The following CSMD1 variants were observed in gnomAD, a reference collection of about 807,000 sequenced individuals.
CSMD1 encodes the protein CUB and Sushi multiple domains 1.
CSMD1 carries 213 observed loss-of-function variants against 417.5 expected under a neutral mutation model. That is an observed-to-expected ratio of 0.51 (90% CI 0.46 to 0.57). The LOEUF is 0.57. CSMD1 is among the 20% of genes least tolerant of loss of function. CSMD1 has a pLI of 0.00. For synonymous variants in CSMD1, 2,862 were observed against 1,736.8 expected (o/e 1.65, Z -16.11); for missense variants, 6,923 against 4,529.7 (o/e 1.53, Z -15.17).
intron 2 of CSMD1, among the ~76,000 whole-genome samples, chr8:4,613,858 G>GT (rs1801322434): frequency 1.5e-5 from 1 of 67,630 alleles, no homozygotes; most frequent in African/African-American, 9.1e-5. Flanking sequence ...GCTGTCTAAT[G>GT]CCAAAAAAAA....
chr8:3,832,256 C>T (rs991929378), intron 5 of CSMD1, among the ~76,000 whole-genome samples: 4 of 152,202 alleles, frequency 2.6e-5, no homozygotes, highest in Non-Finnish European at 4.4e-5. Flanking sequence ...GCTTCCCTGC[C>T]TGATTTCCCT....
At chr8:3,320,114 C>G (rs998957974) in intron 23 of CSMD1, among the ~76,000 whole-genome samples, 3 of 152,176 alleles carry the variant, frequency 2.0e-5, no homozygotes, top group Admixed American at 1.3e-4. Flanking sequence ...CTGTGCCACA[C>G]AATTCATCAG....
chr8:4,239,983 C>G (rs1379791354), intron 3 of CSMD1, among the ~76,000 whole-genome samples: 1 of 152,192 alleles, frequency 6.6e-6, no homozygotes, highest in East Asian at 1.9e-4. Flanking sequence ...CCAGTGATTT[C>G]TTAAAAATAC....
chr8:4,721,694 C>T (rs1226857383), intron 1 of CSMD1, among the ~76,000 whole-genome samples: 3 of 152,072 alleles, frequency 2.0e-5, no homozygotes, highest in African/African-American at 7.2e-5. Context: ...ACCCAGCAAT[C>T]CCCCTGTTGT....
chr8:4,261,155 T>C (rs1194237494), intron 3 of CSMD1, among the ~76,000 whole-genome samples: 2 of 152,192 alleles, frequency 1.3e-5, no homozygotes, highest in East Asian at 1.9e-4. Flanking sequence ...TCTACTGGCT[T>C]GAAAGTTGTC....
intron 15 of CSMD1, among the ~76,000 whole-genome samples, chr8:3,401,128 G>A (rs9969646): frequency 0.48 from 72,778 of 151,354 alleles, 18,334 homozygotes; most frequent in Middle Eastern, 0.6. Flanking sequence ...AATTAAATAT[G>A]TTAAATATAT....
At chr8:3,384,540 C>G (rs1810848190) in intron 18 of CSMD1, among the ~76,000 whole-genome samples, 1 of 150,754 alleles carries the variant, frequency 6.6e-6, no homozygotes. Flanking sequence ...CAACATGGGA[C>G]AGTCCTTCCT....
chr8:3,357,970 G>A (rs990701440), intron 21 of CSMD1, among the ~76,000 whole-genome samples: 1 of 152,114 alleles, frequency 6.6e-6, no homozygotes, highest in Non-Finnish European at 1.5e-5. Flanking sequence ...GTGTATCTCT[G>A]GTTCGTTAAA....
rs1554508036 is a variant in CSMD1, at chr8:3,083,659, T to TTTA, written c.7474+3437_7474+3438insTAA. 1.6e-4 allele frequency among the ~76,000 whole-genome samples: 11 copies of TTTA among 70,126 alleles called. No individual in the cohort carries two copies. In the Admixed American group the frequency reaches 1.7e-3, roughly 11 times the overall value. The allele number at this position is 70,126 out of a possible 152,430, so 46.0% of individuals were successfully genotyped here. A position where few individuals can be genotyped will look rare whatever the true frequency, so the allele number is the denominator to read the frequency against. ...ATATATATATATATATTTTTTTTTT[T>TTTA]TTTTTTTTTTTTTTTTTTTTTGGTC... On this transcript the variant is annotated intron_variant, in intron 49 of 69. Coordinates refer to ENST00000635120, the MANE Select transcript of CSMD1 (RefSeq NM_033225.6).
intron 21 of CSMD1, among the ~76,000 whole-genome samples, chr8:3,356,540 T>C (rs1227905458): frequency 6.6e-6 from 1 of 152,122 alleles, no homozygotes; most frequent in Non-Finnish European, 1.5e-5. Context: ...CCGGGCGTGG[T>C]GGCATGTGCC....
At chr8:3,275,233 C>G (rs925920698) in intron 26 of CSMD1, among the ~76,000 whole-genome samples, 3 of 152,160 alleles carry the variant, frequency 2.0e-5, no homozygotes, top group Non-Finnish European at 2.9e-5. Context: ...AAATTCTTTT[C>G]TTTAAGAATG....
chr8:4,693,409 T>A (rs1447732177), intron 1 of CSMD1, among the ~76,000 whole-genome samples: 1 of 152,234 alleles, frequency 6.6e-6, no homozygotes, highest in Middle Eastern at 3.2e-3. Context: ...TGGAGGTGTG[T>A]TCTGGCTGTG....
intron 3 of CSMD1, among the ~76,000 whole-genome samples, chr8:4,110,707 GTTTT>G (rs1191330981): frequency 6.6e-6 from 1 of 151,616 alleles, no homozygotes; most frequent in Non-Finnish European, 1.5e-5. Flanking sequence ...TAATTTCAGG[GTTTT>G]TTTTCCCCTT....
At chr8:4,858,032 C>T (rs1423752751) in intron 1 of CSMD1, among the ~76,000 whole-genome samples, 9 of 152,086 alleles carry the variant, frequency 5.9e-5, no homozygotes, top group African/African-American at 9.7e-5. Context: ...ACTGGCAAAA[C>T]GAATGCAGCA....
chr8:4,075,092 T>A (rs1477509262), intron 3 of CSMD1, among the ~76,000 whole-genome samples: 1 of 152,128 alleles, frequency 6.6e-6, no homozygotes, highest in Non-Finnish European at 1.5e-5. Flanking sequence ...TCAGTATTAT[T>A]AGACAAAGAA....
chr8:4,753,262 A>G (rs1033367456), intron 1 of CSMD1, among the ~76,000 whole-genome samples: 1 of 152,000 alleles, frequency 6.6e-6, no homozygotes, highest in South Asian at 2.1e-4. Flanking sequence ...ACAAAAGAAA[A>G]TTTCCCTTAT....
At chr8:3,209,847 C>T (rs2116785849) in intron 30 of CSMD1, among the ~76,000 whole-genome samples, 1 of 152,148 alleles carries the variant, frequency 6.6e-6, no homozygotes, top group South Asian at 2.1e-4. Flanking sequence ...ATCCATTTGG[C>T]TAATTAGAAT....
At chr8:3,933,697 C>T (rs1220364014) in intron 5 of CSMD1, among the ~76,000 whole-genome samples, 1 of 152,084 alleles carries the variant, frequency 6.6e-6, no homozygotes, top group Admixed American at 6.6e-5. Flanking sequence ...GCAATTTGTG[C>T]TCCTTTTGTA....
chr8:4,277,024 C>A (rs1198555133), intron 3 of CSMD1, among the ~76,000 whole-genome samples: 2 of 151,870 alleles, frequency 1.3e-5, no homozygotes, highest in Admixed American at 1.3e-4. Flanking sequence ...AGAGAAAGGT[C>A]AAAAAAATTA....
Sources: allele counts gnomAD v4.1 joint callset (sites outside exome capture counted in the v4.1 genomes callset), GRCh38; gene constraint gnomAD v4.1.1; transcripts MANE v1.5; gene names NCBI Gene and HGNC (gene_info 2026-07-23, HGNC 2026-07-21).